The following GPD2 variants were observed in gnomAD, a reference collection of about 807,000 sequenced individuals.
GPD2 encodes glycerol-3-phosphate dehydrogenase, mitochondrial.
Under a neutral mutation model 82.4 loss-of-function variants are expected in GPD2, and 54 were observed. The observed-to-expected ratio is 0.66, with a 90% CI of 0.53 to 0.82. GPD2 has a LOEUF of 0.82. Ranked by LOEUF, GPD2 falls within the 40% of genes least tolerant of loss-of-function variation. GPD2 has a pLI of 0.00. For missense variants in GPD2, 748 were observed against 896.2 expected (o/e 0.83, Z 2.11); for synonymous variants, 288 against 306.1 (o/e 0.94, Z 0.62).
At chr2:156,486,242 A>G (rs1310937142) in intron 2 of GPD2, among the ~76,000 whole-genome samples, 1 of 152,148 alleles carries the variant, frequency 6.6e-6, no homozygotes, top group African/African-American at 2.4e-5. Context: ...TTAGCCCCCA[A>G]AGTGGGGCCA....
At chr2:156,507,512 C>T (rs528141329) in intron 3 of GPD2, among the ~76,000 whole-genome samples, 1 of 151,724 alleles carries the variant, frequency 6.6e-6, no homozygotes, top group Non-Finnish European at 1.5e-5. Context: ...TTGGTTGATA[C>T]AGGATTTTGT....
rs563960752 is a variant in GPD2 at position 156,554,154 on chromosome 2, G to C, written c.972-3235G>C. ...AACTGTACTTCTGGCATCCCATAGG[G>C]GTGGTTTTCCTCTTCCTATCAAGTC... On this transcript the variant is annotated intron_variant, in intron 8 of 16. Coordinates refer to ENST00000438166, the MANE Select transcript of GPD2 (RefSeq NM_000408.5). Among the ~76,000 whole-genome samples, 16 of 152,292 alleles carry C rather than the reference G, an allele frequency of 1.1e-4. 1 individual carries two copies. The highest frequency in any genetic ancestry group is 3.9e-4 in the African/African-American group (16 of 41,552).
rs182316300 is a variant in GPD2 at position 156,523,331 on chromosome 2, G to C, written c.661+9835G>C. 2.5e-3 allele frequency among the ~76,000 whole-genome samples: 379 copies of C among 152,012 alleles called. 4 individuals are homozygous for C. The highest frequency in any genetic ancestry group is 8.7e-3 in the African/African-American group (360 of 41,460). On this transcript the variant is annotated intron_variant, in intron 6 of 16. Transcript: ENST00000438166. ...GCCTTTCCCAGAATGACATGTAGTT[G>C]GAATCCTACAGTATGTCAGCTACCA... is the stretch of plus-strand genomic sequence containing the variant.
chr2:156,408,234 C>T, the GPD2 span, among the ~76,000 whole-genome samples: 23 of 151,984 alleles, frequency 1.5e-4, no homozygotes, highest in African/African-American at 4.6e-4. Context: ...GGATTATAGG[C>T]GTTAGACACT....
the GPD2 span, among the ~76,000 whole-genome samples, chr2:156,416,647 G>T: frequency 6.6e-6 from 1 of 151,616 alleles, no homozygotes; most frequent in Non-Finnish European, 1.5e-5. Context: ...ATAGGTGTGA[G>T]CTTTGTCCAC....
chr2:156,543,498 A>G (rs752699188), intron 6 of GPD2, among the ~76,000 whole-genome samples: 1 of 152,246 alleles, frequency 6.6e-6, no homozygotes, highest in African/African-American at 2.4e-5. Flanking sequence ...TCTCTGGTAC[A>G]TTACAAGTGA....
At chr2:156,548,299 C>T (rs763586076) in intron 6 of GPD2, among the ~76,000 whole-genome samples, 6 of 152,146 alleles carry the variant, frequency 3.9e-5, no homozygotes, top group African/African-American at 4.8e-5. Context: ...ACTATGGAAC[C>T]GCTACCCTTC....
intron 3 of GPD2, among the ~76,000 whole-genome samples, chr2:156,509,578 C>T (rs2105266838): frequency 6.6e-6 from 1 of 152,032 alleles, no homozygotes; most frequent in East Asian, 1.9e-4. Context: ...TTTCATCTCT[C>T]AACTCCTGTG....
At chr2:156,451,926 C>G (rs1315686418) in intron 1 of GPD2, among the ~76,000 whole-genome samples, 1 of 149,480 alleles carries the variant, frequency 6.7e-6, no homozygotes, top group African/African-American at 2.5e-5. Context: ...GGGTCGCGGC[C>G]GGGCAGAGGC....
chr2:156,451,364 C>T (rs1180770604), intron 1 of GPD2, among the ~76,000 whole-genome samples: 2 of 143,126 alleles, frequency 1.4e-5, no homozygotes, highest in African/African-American at 2.6e-5. Context: ...CCAGTAGGGG[C>T]GGCTGGGCAG....
rs115691025 is a variant in GPD2 at position 156,492,734 on chromosome 2, G to A, written c.103-3310G>A. Reference sequence around the variant, plus strand: ...AGTGGAGATGAAGTGACTAGATATGGAAATGTTTTAGAAGATGGAACTGAT... The same window carrying A: ...AGTGGAGATGAAGTGACTAGATATGAAAATGTTTTAGAAGATGGAACTGAT... On this transcript the variant is annotated intron_variant, in intron 2 of 16. Transcript: ENST00000438166. Among the ~76,000 whole-genome samples, 1,220 of 152,156 alleles carry A rather than the reference G, an allele frequency of 8.0e-3. 5 individuals are homozygous for A. Among genetic ancestry groups the A allele is most frequent in the Non-Finnish European group, 0.012 (786 of 67,978 alleles).
chr2:156,533,870 C>T (rs886619949), intron 6 of GPD2, among the ~76,000 whole-genome samples: 4 of 152,194 alleles, frequency 2.6e-5, no homozygotes, highest in African/African-American at 7.2e-5. Context: ...CCAGGGTGAG[C>T]GCTTTTGGGC....
intron 3 of GPD2, among the ~76,000 whole-genome samples, chr2:156,504,378 A>G (rs1181877543): frequency 6.6e-6 from 1 of 152,074 alleles, no homozygotes; most frequent in African/African-American, 2.4e-5. Context: ...TTCTAAAGAA[A>G]GATAAACTCA....
At chr2:156,532,311 G>A (rs1685897824) in intron 6 of GPD2, among the ~76,000 whole-genome samples, 1 of 152,262 alleles carries the variant, frequency 6.6e-6, no homozygotes, top group Non-Finnish European at 1.5e-5. Context: ...CCAGCCCCCA[G>A]ATTTTAATTT....
chr2:156,492,075 C>G (rs1017276991), intron 2 of GPD2, among the ~76,000 whole-genome samples: 1 of 148,334 alleles, frequency 6.7e-6, no homozygotes, highest in Non-Finnish European at 1.5e-5. Context: ...TATAATTTTG[C>G]ATTTCTGTAA....
In GPD2 at chr2:156,578,989, C is replaced by T; in HGVS notation, c.1868C>T (p.Ser623Leu). 1 of 1,593,230 alleles carries T rather than the reference C, an allele frequency of 6.3e-7. No homozygotes were observed. Among genetic ancestry groups the T allele is most frequent in the African/African-American group, 1.3e-5 (1 of 74,560 alleles). Residue 623 changes from serine to leucine, a missense_variant, in exon 14 of 17, where the codon TCA becomes TTA. Coordinates refer to ENST00000438166, the MANE Select transcript of GPD2 (RefSeq NM_000408.5). ...CGCTCTGAAATTAGCCTACTGCCTT[C>T]AGACATTGACAGGTACTTATAATAA... ...TDRSEISLLP[S>L]DIDRYKKRFH...
chr2:156,420,543 T>A, the GPD2 span, among the ~76,000 whole-genome samples: 4 of 152,238 alleles, frequency 2.6e-5, no homozygotes, highest in African/African-American at 9.6e-5. Flanking sequence ...AGTGCCATAA[T>A]TTCTCCTATT....
At position 156,549,665 on chromosome 2, in the gene GPD2, G is replaced by A. The variant is rs755255630; in HGVS notation, c.719G>A (p.Gly240Glu). 1 of 1,613,348 alleles carries A rather than the reference G, an allele frequency of 6.2e-7. No homozygotes were observed. The highest frequency in any genetic ancestry group is 1.1e-5 in the South Asian group (1 of 91,074). ...ATTGCTCTGACTGCTGCCAGGTATG[G>A]GGCTGCCACAGCCAATTACATGGAG... ...LAIALTAARY[G>E]AATANYMEVV... The change falls in exon 7 of 17, where the codon GGG (glycine) becomes GAG (glutamate). Residue 240 changes from glycine (G) to glutamate (E), a missense_variant. Coordinates refer to ENST00000438166, the MANE Select transcript of GPD2 (RefSeq NM_000408.5).
chr2:156,423,529 T>C, the GPD2 span, among the ~76,000 whole-genome samples: 1 of 152,232 alleles, frequency 6.6e-6, no homozygotes, highest in Non-Finnish European at 1.5e-5. Context: ...CTTGCCATGC[T>C]ATCTCAAAAC....
Sources: allele counts gnomAD v4.1 joint callset (sites outside exome capture counted in the v4.1 genomes callset), GRCh38; gene constraint gnomAD v4.1.1; transcripts MANE v1.5; gene names NCBI Gene and HGNC (gene_info 2026-07-23, HGNC 2026-07-21).